PNPLA4: variants seen among roughly 807,000 people sequenced by gnomAD.
PNPLA4 encodes patatin-like phospholipase domain-containing protein 4.
Under a neutral mutation model 18.3 loss-of-function variants are expected in PNPLA4, and 15 were observed. That is an observed-to-expected ratio of 0.82 (90% CI 0.55 to 1.26). The LOEUF (loss-of-function observed/expected upper bound fraction) is 1.26. Ranked by LOEUF, PNPLA4 falls within the 50% of genes most tolerant of loss-of-function variation. PNPLA4 has a pLI of 0.00. For synonymous variants in PNPLA4, 88 were observed against 85.6 expected, an observed-to-expected ratio of 1.03 and a Z score of -0.16; for missense variants, 229 against 196.8, an observed-to-expected ratio of 1.16 and a Z score of -0.98.
chrX:7,927,425 G>T (rs1478228753), upstream of PNPLA4: 2 of 113,430 alleles, frequency 1.8e-5, no homozygotes, highest in African/African-American at 6.4e-5. Context: ...CTGCGGCAGG[G>T]GTTGGTACCG....
At chrX:7,901,771 G>A (rs1361822409) in intron 6 of PNPLA4, among the ~76,000 whole-genome samples, 1 of 111,561 alleles carries the variant, frequency 9.0e-6, no homozygotes, top group East Asian at 2.8e-4. Flanking sequence ...ACCAGCCTGG[G>A]CAACCTAGTG....
intron 4 of PNPLA4, among the ~76,000 whole-genome samples, chrX:7,918,401 A>T (rs1194470812): frequency 9.0e-6 from 1 of 111,604 alleles, no homozygotes; most frequent in Non-Finnish European, 1.9e-5. Flanking sequence ...ATGTTGTGAG[A>T]CTTATTCACT....
At chrX:7,921,912 A>G in intron 3 of PNPLA4, 64 bp from the exon 4 acceptor site, 1 of 1,132,475 alleles carries the variant, frequency 8.8e-7, no homozygotes, top group Non-Finnish European at 1.2e-6. Flanking sequence ...TAAATATTTT[A>G]CAAGAGAGAA....
chrX:7,926,920 G>A (rs1924434421), intron 1 of PNPLA4, among the ~76,000 whole-genome samples: 1 of 112,133 alleles, frequency 8.9e-6, no homozygotes, highest in Non-Finnish European at 1.9e-5. Flanking sequence ...TTCCTTGGGG[G>A]CCCAAGGGCC....
chrX:7,902,051 T>G lies in PNPLA4; in HGVS notation c.568A>C (p.Ile190Leu), dbSNP rs1923552196. Residue 190 changes from isoleucine (I) to leucine (L), a missense_variant, in exon 6 of 7, where the codon ATC (isoleucine) becomes CTC (leucine). By Grantham distance (5) the Ile-to-Leu change is conservative (BLOSUM62 2). Transcript: ENST00000381042. ...TISPFSGRLD[I>L]SPQDKGQLDL... ...AGCTGCCCTTTGTCCTGCGGGGAGA[T>G]GTCCAGTCGTCCACTGAAGGGGGAG... is the stretch of plus-strand genomic sequence containing the variant. The G allele has an allele frequency of 8.3e-7, 1 of 1,207,283 alleles. No homozygotes were observed.
chrX:7,914,512 C>T (rs1923977007), intron 4 of PNPLA4, among the ~76,000 whole-genome samples: 1 of 111,705 alleles, frequency 9.0e-6, no homozygotes, highest in African/African-American at 3.3e-5. Context: ...AATCACAGAC[C>T]CTAGGTATGT....
At position 7,922,044 on chromosome X, in the gene PNPLA4, C is replaced by T. The variant is rs749415144; in HGVS notation, c.235G>A (p.Gly79Arg). 8.3e-6 allele frequency: 10 copies of T among 1,207,486 alleles called. No individual in the cohort carries two copies. Among genetic ancestry groups the T allele is most frequent in the Admixed American group, 6.6e-5 (3 of 45,735 alleles). The change falls in exon 3 of 7, where the codon GGG becomes AGG. Residue 79 changes from glycine (G) to arginine (R), a missense_variant. Coordinates refer to ENST00000381042, the MANE Select transcript of PNPLA4 (RefSeq NM_004650.3). ...FAEEIRRQSF[G>R]AVTPGYDFMA... ...AAGTCATAACCGGGCGTTACTGCCC[C>T]GAAAGACTGCCTTCTGATTTCTTCG...
chrX:7,920,223 C>T (rs1490789685), intron 4 of PNPLA4, among the ~76,000 whole-genome samples: 1 of 100,457 alleles, frequency 1.0e-5, no homozygotes, highest in African/African-American at 3.5e-5. Flanking sequence ...GGGGCAGAAT[C>T]CCCCTCATTT....
chrX:7,921,898 C>T, intron 3 of PNPLA4, 50 bp from the exon 4 acceptor site: 1 of 1,143,887 alleles, frequency 8.7e-7, no homozygotes, highest in Non-Finnish European at 1.2e-6. Context: ...TATTGAACTC[C>T]CTGTAAATAT....
At chrX:7,912,878 GT>G (rs1279478001) in intron 4 of PNPLA4, among the ~76,000 whole-genome samples, 6 of 111,546 alleles carry the variant, frequency 5.4e-5, no homozygotes, top group Non-Finnish European at 9.4e-5. Flanking sequence ...GATTTCATGA[GT>G]TTTTTTTCAT....
At chrX:7,905,904 T>C (rs1019184088) in intron 5 of PNPLA4, among the ~76,000 whole-genome samples, 1 of 112,328 alleles carries the variant, frequency 8.9e-6, no homozygotes, top group Non-Finnish European at 1.9e-5. Context: ...GTAGGTGTGT[T>C]GACAGAGACA....
chrX:7,911,968 T>C (rs766537168), intron 5 of PNPLA4, 60 bp downstream of exon 5: 43 of 804,726 alleles, frequency 5.3e-5, no homozygotes, highest in Non-Finnish European at 7.8e-5. Flanking sequence ...AAATTGGATG[T>C]TTCAAAAGAA....
chrX:7,898,763 C>T lies in PNPLA4; in HGVS notation c.*1923G>A, dbSNP rs1285847438. 1 of 111,437 alleles carries T rather than the reference C, an allele frequency of 9.0e-6. No individual in the cohort carries two copies. The highest frequency in any genetic ancestry group is 3.3e-5 in the African/African-American group (1 of 30,562). The allele number at this position is 111,437 out of a possible 1,213,427, so 9.2% of individuals were successfully genotyped here. On this transcript the variant is annotated 3_prime_UTR_variant, in exon 7 of 7. Transcript: ENST00000381042. The stretch of plus-strand genomic sequence containing the variant: ...ACAAACCTGTACACGTACCCCTGAA[C>T]TTAAAATAAAAGTTAAAAAGAAAAG...
rs558176216 is a variant in PNPLA4 at position 7,916,621 on chromosome X, C to T, written c.412-4528G>A. Among the ~76,000 whole-genome samples the T allele has an allele frequency of 1.6e-4, 18 of 111,697 alleles. No homozygotes were observed. The South Asian group carries it at 6.8e-3, about 42-fold the overall frequency. On this transcript the variant is annotated intron_variant, in intron 4 of 6. Coordinates refer to ENST00000381042, the MANE Select transcript of PNPLA4 (RefSeq NM_004650.3). ...ACCAAGGCTCCAAGAAGTTGAGACT[C>T]GCCAAGGGTCCCAGAGCCCACCAAC...
At chrX:7,919,445 CTG>C (rs1448927392) in intron 4 of PNPLA4, among the ~76,000 whole-genome samples, 1 of 112,212 alleles carries the variant, frequency 8.9e-6, no homozygotes, top group Non-Finnish European at 1.9e-5. Flanking sequence ...TCTTTGCTGG[CTG>C]TCAGTGGGGA....
In PNPLA4 at chrX:7,921,840, A is replaced by G. The variant is rs778407858; in HGVS notation, c.284T>C (p.Met95Thr). 4.1e-6 allele frequency: 5 copies of G among 1,205,963 alleles called. No homozygotes were observed. In the African/African-American group the frequency reaches 8.8e-5, roughly 21 times the overall value. Reference protein sequence around the residue: ...YDFMARLRSGMESILPPSAHE... With the variant: ...YDFMARLRSGTESILPPSAHE... ...AGCGCTGGGAGGAAGAATCGACTCC[A>G]TCCCACTTCTAAAGAAGAAAAAGCA... Residue 95 changes from methionine to threonine, a missense_variant, in exon 4 of 7, where the codon ATG becomes ACG. Transcript: ENST00000381042.
At chrX:7,906,155 G>A (rs1392389809) in intron 5 of PNPLA4, among the ~76,000 whole-genome samples, 1 of 111,978 alleles carries the variant, frequency 8.9e-6, no homozygotes, top group South Asian at 3.7e-4. Context: ...TTGCTTTCAT[G>A]AGATAGCCTA....
chrX:7,904,989 G>A (rs1293861630), intron 5 of PNPLA4, among the ~76,000 whole-genome samples: 1 of 112,318 alleles, frequency 8.9e-6, no homozygotes, highest in African/African-American at 3.2e-5. Flanking sequence ...AGGCTGTACA[G>A]TGACCACCTC....
chrX:7,914,710 T>G (rs1320602531), intron 4 of PNPLA4, among the ~76,000 whole-genome samples: 1 of 111,053 alleles, frequency 9.0e-6, no homozygotes, highest in Non-Finnish European at 1.9e-5. Context: ...ACATGTGGAC[T>G]GCAAAAAAAT....
Sources: gnomAD v4.1 joint callset for allele counts (sites outside exome capture counted in the v4.1 genomes callset) on GRCh38, gnomAD v4.1.1 for gene constraint, MANE v1.5 for transcripts, NCBI Gene and HGNC (gene_info 2026-07-23, HGNC 2026-07-21) for gene names.